Variants in CPEB4 observed in about 807,000 individuals in gnomAD.
CPEB4 encodes cytoplasmic polyadenylation element binding protein 4, also known as cytoplasmic polyadenylation element-binding protein 4.
A neutral mutation model predicts 72.5 loss-of-function variants in CPEB4; 12 were observed. The ratio of observed to expected loss-of-function variants is 0.17; its 90% CI spans 0.11 to 0.27. CPEB4 has a LOEUF of 0.27. Among genes scored for constraint, CPEB4 ranks in the 10% least tolerant of loss-of-function variants. CPEB4 has a pLI of 1.00. For synonymous variants in CPEB4, 302 were observed against 326.3 expected (o/e 0.93, Z 0.80); for missense variants, 614 against 908.5 (o/e 0.68, Z 4.17).
At chr5:173,951,737 T>A (rs1758222704) in intron 7 of CPEB4, 87 bp from the exon 8 acceptor site, 1 of 774,060 alleles carries the variant, frequency 1.3e-6, no homozygotes, top group Admixed American at 1.9e-5. Flanking sequence ...TTATTGCTTT[T>A]AAAAATACTT....
intron 4 of CPEB4, among the ~76,000 whole-genome samples, chr5:173,944,570 A>C (rs898781920): frequency 2.6e-5 from 4 of 152,138 alleles, no homozygotes; most frequent in African/African-American, 9.7e-5. Context: ...AAAGAAATGT[A>C]AGTGATTCAA....
chr5:173,953,331 C>T, intron 9 of CPEB4, 59 bp downstream of exon 9: 1 of 1,311,398 alleles, frequency 7.6e-7, no homozygotes, highest in Non-Finnish European at 1.0e-6. Context: ...TGTGTGATTA[C>T]CAATATTAGA....
chr5:173,896,465 A>G (rs895740229), intron 1 of CPEB4, among the ~76,000 whole-genome samples: 9 of 152,340 alleles, frequency 5.9e-5, no homozygotes, highest in Non-Finnish European at 1.2e-4. Flanking sequence ...TTTTCAAAAA[A>G]TACTTAGTAG....
At chr5:173,893,382 T>A (rs1028553737) in intron 1 of CPEB4, among the ~76,000 whole-genome samples, 2 of 152,098 alleles carry the variant, frequency 1.3e-5, no homozygotes, top group African/African-American at 4.8e-5. Context: ...CTTGGGAGGC[T>A]GAGGCAGAAG....
At chr5:173,937,339 G>A (rs560963420) in intron 3 of CPEB4, among the ~76,000 whole-genome samples, 26 of 152,146 alleles carry the variant, frequency 1.7e-4, no homozygotes, top group South Asian at 1.2e-3. Context: ...CACCTCACCC[G>A]GCCCAACATC....
chr5:173,947,532 A>G (rs1758067902), intron 5 of CPEB4, among the ~76,000 whole-genome samples: 1 of 152,200 alleles, frequency 6.6e-6, no homozygotes, highest in South Asian at 2.1e-4. Flanking sequence ...GAGCAAATTA[A>G]TAAATGTCTT....
chr5:173,934,474 GTCTT>G (rs1199997173), intron 3 of CPEB4, among the ~76,000 whole-genome samples: 1 of 152,130 alleles, frequency 6.6e-6, no homozygotes, highest in Non-Finnish European at 1.5e-5. Flanking sequence ...AAAGAGAGAT[GTCTT>G]TCTTCTAAGA....
chr5:173,927,917 T>C (rs1177612865), intron 2 of CPEB4, among the ~76,000 whole-genome samples: 1 of 152,228 alleles, frequency 6.6e-6, no homozygotes, highest in Non-Finnish European at 1.5e-5. Flanking sequence ...AGTAGGTGAA[T>C]ATAGATTAGT....
At chr5:173,921,582 A>G (rs1190074414) in intron 2 of CPEB4, among the ~76,000 whole-genome samples, 1 of 152,152 alleles carries the variant, frequency 6.6e-6, no homozygotes, top group African/African-American at 2.4e-5. Context: ...CTGAGGCTAC[A>G]TCCTGCATGA....
chr5:173,936,616 G>C (rs2113251066), intron 3 of CPEB4, among the ~76,000 whole-genome samples: 1 of 152,222 alleles, frequency 6.6e-6, no homozygotes, highest in South Asian at 2.1e-4. Context: ...TGAGAAGCAA[G>C]CCTAAAACTT....
intron 4 of CPEB4, among the ~76,000 whole-genome samples, chr5:173,943,760 A>C (rs1757926443): frequency 6.6e-6 from 1 of 152,188 alleles, no homozygotes; most frequent in Non-Finnish European, 1.5e-5. Context: ...GACATATGCT[A>C]TTATAGGATA....
intron 7 of CPEB4, 66 bp from the exon 8 acceptor site, chr5:173,951,755 ATTG>A (rs932733190): frequency 1.2e-6 from 1 of 848,884 alleles, no homozygotes. Context: ...CTTTGTAATA[ATTG>A]TTAACTTTTT....
At chr5:173,935,706 T>A (rs960703831) in intron 3 of CPEB4, among the ~76,000 whole-genome samples, 2 of 152,128 alleles carry the variant, frequency 1.3e-5, no homozygotes, top group African/African-American at 2.4e-5. Context: ...TAGAAAGAGG[T>A]TTAAATCCTC....
At chr5:173,895,813 A>G (rs1389763971) in intron 1 of CPEB4, among the ~76,000 whole-genome samples, 2 of 152,164 alleles carry the variant, frequency 1.3e-5, no homozygotes, top group Non-Finnish European at 2.9e-5. Context: ...AACTAATTCC[A>G]GGGTAGAGTT....
rs779466953 is a variant in CPEB4 at position 173,943,058 on chromosome 5, G to A, written c.1282+9G>A. ...ATATGGGCGAAGGAGAGGTAACATT[G>A]TTTTTAACTTTTAAATGTATCACTT... On this transcript the variant is annotated intron_variant, in intron 4 of 9. Transcript: ENST00000265085. 52 of 1,610,262 alleles carry A rather than the reference G, an allele frequency of 3.2e-5. No homozygotes were observed. The highest frequency in any genetic ancestry group is 4.2e-5 in the Non-Finnish European group (50 of 1,178,356).
chr5:173,915,520 G>A (rs926987590), intron 2 of CPEB4, among the ~76,000 whole-genome samples: 1 of 152,102 alleles, frequency 6.6e-6, no homozygotes, highest in Non-Finnish European at 1.5e-5. Context: ...ATCCTCAGAA[G>A]CTCTTCCCCA....
At chr5:173,949,685 A>T in intron 6 of CPEB4, 88 bp downstream of exon 6, 1 of 914,748 alleles carries the variant, frequency 1.1e-6, no homozygotes, top group South Asian at 1.5e-5. Context: ...CTTCACTGTA[A>T]AATGTTGCAT....
intron 9 of CPEB4, chr5:173,953,574 A>T (rs1581171736): frequency 2.7e-6 from 1 of 366,372 alleles, no homozygotes; most frequent in East Asian, 3.9e-5. Flanking sequence ...TTCAATAAAT[A>T]TTTACTGAAT....
At chr5:173,943,244 A>G (rs1011927496) in intron 4 of CPEB4, among the ~76,000 whole-genome samples, 195 bp downstream of exon 4, 1 of 152,182 alleles carries the variant, frequency 6.6e-6, no homozygotes, top group South Asian at 2.1e-4. Context: ...ATTTAGCAGA[A>G]TGGTGGGATT....
Sources: allele counts gnomAD v4.1 joint callset (sites outside exome capture counted in the v4.1 genomes callset), GRCh38; gene constraint gnomAD v4.1.1; transcripts MANE v1.5; gene names NCBI Gene and HGNC (gene_info 2026-07-23, HGNC 2026-07-21).